Variants in ZFP82 observed in about 807,000 individuals in gnomAD.
ZFP82 encodes the protein zinc finger protein 82 homolog.
Under a neutral mutation model 54.0 loss-of-function variants are expected in ZFP82, and 30 were observed. That is an observed-to-expected ratio of 0.56 (90% CI 0.42 to 0.75). ZFP82 has a LOEUF of 0.75. Ranked by LOEUF, ZFP82 falls within the 30% of genes least tolerant of loss-of-function variation. The probability of loss-of-function intolerance (pLI) is 0.00; values close to 1 mark genes in which losing one functional copy is unlikely to be tolerated. For synonymous variants in ZFP82, 194 were observed against 209.5 expected (o/e 0.93, Z 0.64); for missense variants, 500 against 636.8 (o/e 0.79, Z 2.31).
At chr19:36,418,114 C>G (rs1041772533) in intron 1 of ZFP82, among the ~76,000 whole-genome samples, 1 of 151,840 alleles carries the variant, frequency 6.6e-6, no homozygotes, top group African/African-American at 2.4e-5. Flanking sequence ...ATGGGAGTTT[C>G]GCTTTGCTGC....
In ZFP82 at chr19:36,392,580, G is replaced by A. The variant is rs1265342157; in HGVS notation, c.*161C>T. 1 of 588,160 alleles carries A rather than the reference G, an allele frequency of 1.7e-6. No individual in the cohort carries two copies. The highest frequency in any genetic ancestry group is 3.5e-5 in the Admixed American group (1 of 28,502). The allele number at this position is 588,160 out of a possible 1,614,324, so 36.4% of individuals were successfully genotyped here. On this transcript the variant is annotated 3_prime_UTR_variant, in exon 5 of 5. Coordinates refer to ENST00000392161, the MANE Select transcript of ZFP82 (RefSeq NM_133466.4). ...CAGGATTAGTTTTTAGAACAAATAT[G>A]CTGAAGTTTCAGGTTTGAGTGATGA...
At chr19:36,395,126 C>T (rs1442102112) in intron 4 of ZFP82, 1 of 152,196 alleles carries the variant, frequency 6.6e-6, no homozygotes, top group African/African-American at 2.4e-5. Flanking sequence ...CTGTATATTC[C>T]TATGCATCTG....
At chr19:36,395,519 A>G (rs2032278406) in intron 4 of ZFP82, 1 of 152,184 alleles carries the variant, frequency 6.6e-6, no homozygotes, top group Non-Finnish European at 1.5e-5. Context: ...TGCATGTTCA[A>G]CTGTTGCAGT....
chr19:36,410,931 G>A (rs571347489), intron 1 of ZFP82, among the ~76,000 whole-genome samples: 6 of 151,690 alleles, frequency 4.0e-5, no homozygotes, highest in South Asian at 4.2e-4. Flanking sequence ...GATGGCTCAC[G>A]CCTATAATCC....
At chr19:36,384,410 C>T (rs1412767182), downstream of ZFP82, 2 of 152,084 alleles carry the variant, frequency 1.3e-5, no homozygotes, top group African/African-American at 4.8e-5. Context: ...TTTTCATCTT[C>T]GAAGTCCTTT....
intron 1 of ZFP82, among the ~76,000 whole-genome samples, chr19:36,417,318 AAAG>A: frequency 6.6e-6 from 1 of 152,284 alleles, no homozygotes; most frequent in East Asian, 1.9e-4. Context: ...ATAGTAATTA[AAAG>A]AAGGCCCACA....
chr19:36,394,209 C>G (rs1038908973), intron 4 of ZFP82, 99 bp from the exon 5 acceptor site: 1 of 1,101,008 alleles, frequency 9.1e-7, no homozygotes, highest in Non-Finnish European at 1.3e-6. Flanking sequence ...TAATCCTTAA[C>G]CAAAACTCTA....
chr19:36,388,417 T>A (rs900120621), downstream of ZFP82, among the ~76,000 whole-genome samples: 2 of 152,110 alleles, frequency 1.3e-5, no homozygotes, highest in African/African-American at 4.8e-5. Flanking sequence ...TTCTAGTTTT[T>A]AAAAAACAAG....
At chr19:36,416,883 G>A (rs1354102147) in intron 1 of ZFP82, among the ~76,000 whole-genome samples, 2 of 149,922 alleles carry the variant, frequency 1.3e-5, no homozygotes, top group African/African-American at 2.4e-5. Context: ...GACCAGCCTG[G>A]CCAACATGGT....
At chr19:36,410,659 C>T (rs1239646749) in intron 1 of ZFP82, among the ~76,000 whole-genome samples, 2 of 151,918 alleles carry the variant, frequency 1.3e-5, no homozygotes, top group African/African-American at 2.4e-5. Context: ...CGCACCACCA[C>T]GCCTGGCTAA....
At chr19:36,398,477 C>T (rs1412629614) in intron 4 of ZFP82, among the ~76,000 whole-genome samples, 1 of 149,726 alleles carries the variant, frequency 6.7e-6, no homozygotes, top group Admixed American at 6.7e-5. Context: ...GCAGAGGTTG[C>T]AATGAGCCAA....
intron 4 of ZFP82, chr19:36,394,804 T>G (rs1304228302): frequency 6.6e-6 from 1 of 152,230 alleles, no homozygotes; most frequent in Admixed American, 6.5e-5. Flanking sequence ...AAATCCATGT[T>G]GCTATTCTCT....
chr19:36,414,669 T>G (rs2032638698), intron 1 of ZFP82, among the ~76,000 whole-genome samples: 1 of 151,926 alleles, frequency 6.6e-6, no homozygotes, highest in South Asian at 2.1e-4. Context: ...GCCTATGTAA[T>G]TCTTCTTAAT....
At chr19:36,402,193 GCACA>G (rs1304703266) in intron 4 of ZFP82, among the ~76,000 whole-genome samples, 1 of 152,124 alleles carries the variant, frequency 6.6e-6, no homozygotes, top group Non-Finnish European at 1.5e-5. Context: ...AGGAGGCCGG[GCACA>G]GTGGCTCACG....
At chr19:36,398,493 C>A (rs965347372) in intron 4 of ZFP82, among the ~76,000 whole-genome samples, 3 of 150,132 alleles carry the variant, frequency 2.0e-5, no homozygotes, top group African/African-American at 4.9e-5. Context: ...GCCAAGATCA[C>A]GCCACTGCAC....
intron 4 of ZFP82, among the ~76,000 whole-genome samples, chr19:36,403,177 T>C (rs1180878856): frequency 6.7e-6 from 1 of 148,296 alleles, no homozygotes; most frequent in South Asian, 2.1e-4. Context: ...AAAAAAATTA[T>C]CCAGGCATGG....
At chr19:36,408,085 GA>G in intron 2 of ZFP82, 72 bp from the exon 3 acceptor site, 4 of 1,543,722 alleles carry the variant, frequency 2.6e-6, no homozygotes, top group Non-Finnish European at 3.5e-6. Flanking sequence ...AGAAAAGAAG[GA>G]AGAGATATTG....
At chr19:36,401,348 T>C (rs1184073817) in intron 4 of ZFP82, among the ~76,000 whole-genome samples, 1 of 152,204 alleles carries the variant, frequency 6.6e-6, no homozygotes, top group African/African-American at 2.4e-5. Context: ...ACTTAAAATA[T>C]CTTAAACTGA....
chr19:36,386,799 T>C (rs772238179), downstream of ZFP82, among the ~76,000 whole-genome samples: 1 of 152,160 alleles, frequency 6.6e-6, no homozygotes, highest in African/African-American at 2.4e-5. Flanking sequence ...TAGCTGGGCA[T>C]GGTGGCAGAT....
Sources: allele counts gnomAD v4.1 joint callset (sites outside exome capture counted in the v4.1 genomes callset), GRCh38; gene constraint gnomAD v4.1.1; transcripts MANE v1.5; gene names NCBI Gene and HGNC (gene_info 2026-07-23, HGNC 2026-07-21).